Variants in PSMB2 observed in about 807,000 individuals in gnomAD.
PSMB2 encodes proteasome 20S subunit beta 2.
A neutral mutation model predicts 25.7 loss-of-function variants in PSMB2; 13 were observed. That is an observed-to-expected ratio of 0.51 (90% confidence interval 0.33 to 0.80). The LOEUF (loss-of-function observed/expected upper bound fraction) is 0.80. Among genes scored for constraint, PSMB2 ranks in the 30% least tolerant of loss-of-function variants. PSMB2 has a pLI of 0.02. For synonymous variants in PSMB2, 87 were observed against 96.2 expected (o/e 0.90, Z 0.56); for missense variants, 202 against 259.0 (o/e 0.78, Z 1.51).
At position 35,601,978 on chromosome 1, in the gene PSMB2, G is replaced by T; in HGVS notation, c.*1289C>A. ...TCAACAAGAATAAGCATATCTATAT[G>T]TATTGATATAAAACAATCTCTAATA... On this transcript the variant is annotated 3_prime_UTR_variant, in exon 6 of 6. Transcript: ENST00000373237. The T allele has an allele frequency of 1.1e-6, 1 of 870,416 alleles. No homozygotes were observed. Among genetic ancestry groups the T allele is most frequent in the Non-Finnish European group, 1.4e-6 (1 of 725,144 alleles). 53.9% of individuals were successfully genotyped at this position (870,416 alleles called of 1,614,324 possible).
chr1:35,628,648 T>TAAAAA (rs1553125214), intron 3 of PSMB2, among the ~76,000 whole-genome samples: 2 of 34,716 alleles, frequency 5.8e-5, no homozygotes, highest in Non-Finnish European at 8.6e-5. Context: ...TTTTTTTTTT[T>TAAAAA]AAAGAAAAGA....
intron 3 of PSMB2, among the ~76,000 whole-genome samples, chr1:35,629,677 G>A (rs986627093): frequency 4.6e-5 from 7 of 151,972 alleles, no homozygotes; most frequent in Non-Finnish European, 1.0e-4. Context: ...AGATGTGGTG[G>A]TGCACACCTG....
At position 35,600,487 on chromosome 1, in the gene PSMB2, A is replaced by G; in HGVS notation, c.*2780T>C. On this transcript the variant is annotated 3_prime_UTR_variant, in exon 6 of 6. Coordinates refer to ENST00000373237, the MANE Select transcript of PSMB2 (RefSeq NM_002794.5). ...ATCTTTGCAACTTTTCTGTAAAACC[A>G]AATTTATTCCAAAATAAAACATTTA... 4 of 974,936 alleles carry G rather than the reference A, an allele frequency of 4.1e-6. No homozygotes were observed. Among genetic ancestry groups the G allele is most frequent in the Non-Finnish European group, 4.9e-6 (4 of 820,398 alleles). 60.4% of individuals were successfully genotyped at this position (974,936 alleles called of 1,614,324 possible).
In PSMB2 at chr1:35,605,287, AAG is replaced by A. The variant is rs1327635201; in HGVS notation, c.449-7_449-6del. On this transcript the variant is annotated splice_region_variant and splice_polypyrimidine_tract_variant and intron_variant, in intron 4 of 5. Coordinates refer to ENST00000373237, the MANE Select transcript of PSMB2 (RefSeq NM_002794.5). ...CTGCCCTCTCACGTGAGATAGCTGA[AAG>A]AGAACACAGAGACCAAATACTTCCG... The A allele has an allele frequency of 2.5e-6, 4 of 1,612,646 alleles. No homozygotes were observed. In the South Asian group the frequency reaches 4.4e-5, roughly 18 times the overall value.
intron 4 of PSMB2, 95 bp from the exon 5 acceptor site, chr1:35,605,377 G>T: frequency 8.2e-7 from 1 of 1,225,038 alleles, no homozygotes; most frequent in Non-Finnish European, 1.2e-6. Flanking sequence ...GCTTCTTCAG[G>T]TCTCAGTGCC....
At chr1:35,608,679 G>A (rs530080477) in intron 4 of PSMB2, among the ~76,000 whole-genome samples, 4 of 152,192 alleles carry the variant, frequency 2.6e-5, no homozygotes, top group Admixed American at 6.5e-5. Context: ...GACGCTTTAC[G>A]GACAAGTAGA....
At chr1:35,640,028 T>C (rs1335865264) in intron 1 of PSMB2, among the ~76,000 whole-genome samples, 5 of 150,878 alleles carry the variant, frequency 3.3e-5, no homozygotes, top group South Asian at 2.1e-4. Context: ...ACCTATGCAG[T>C]GAGTCCAGAC....
intron 2 of PSMB2, 79 bp from the exon 3 acceptor site, chr1:35,631,423 T>G: frequency 6.3e-7 from 1 of 1,592,816 alleles, no homozygotes. Flanking sequence ...CTACCCCTGT[T>G]CCTAAAGCCC....
At chr1:35,634,378 T>C (rs200057770) in intron 2 of PSMB2, among the ~76,000 whole-genome samples, 2 of 122,232 alleles carry the variant, frequency 1.6e-5, no homozygotes, top group Admixed American at 2.3e-4. Flanking sequence ...ATTCAGATTT[T>C]TTTGTTTCTT....
At position 35,600,958 on chromosome 1, in the gene PSMB2, T is replaced by A. The variant is rs1649974956; in HGVS notation, c.*2309A>T. 1 of 985,052 alleles carries A rather than the reference T, an allele frequency of 1.0e-6. No individual in the cohort carries two copies. 61.0% of individuals were successfully genotyped at this position (985,052 alleles called of 1,614,324 possible). Reference sequence around the variant, plus strand: ...CATATCTACCACATAGAATAGGTGCTATTTCAGTCATTGTACAGATGGGAA... The same window carrying A: ...CATATCTACCACATAGAATAGGTGCAATTTCAGTCATTGTACAGATGGGAA... On this transcript the variant is annotated 3_prime_UTR_variant, in exon 6 of 6. Coordinates refer to ENST00000373237, the MANE Select transcript of PSMB2 (RefSeq NM_002794.5).
chr1:35,603,261 A>G lies in PSMB2; in HGVS notation c.*6T>C. 1 of 1,613,626 alleles carries G rather than the reference A, an allele frequency of 6.2e-7. No individual in the cohort carries two copies. Among genetic ancestry groups the G allele is most frequent in the Non-Finnish European group, 8.5e-7 (1 of 1,179,856 alleles). On this transcript the variant is annotated 3_prime_UTR_variant, in exon 6 of 6. Coordinates refer to ENST00000373237, the MANE Select transcript of PSMB2 (RefSeq NM_002794.5). ...TTCCCTGGCAAGTGGGAGGGAGGAC[A>G]TGATGTTAGGAGCCCTGTTTGGGGA...
chr1:35,619,707 G>A (rs149887917), intron 3 of PSMB2, among the ~76,000 whole-genome samples: 41 of 152,292 alleles, frequency 2.7e-4, no homozygotes, highest in African/African-American at 9.1e-4. Flanking sequence ...AGCTATCAAT[G>A]ACTCCAAGTT....
At chr1:35,620,754 T>C (rs374534839) in intron 3 of PSMB2, among the ~76,000 whole-genome samples, 31 of 151,226 alleles carry the variant, frequency 2.0e-4, no homozygotes, top group African/African-American at 7.5e-4. Context: ...CCCCTCTGCC[T>C]CCTGGGTTCA....
intron 3 of PSMB2, among the ~76,000 whole-genome samples, chr1:35,615,987 G>A (rs370852302): frequency 4.9e-4 from 75 of 152,298 alleles, no homozygotes; most frequent in African/African-American, 1.7e-3. Context: ...TAGTCCAGGG[G>A]ATTGTCAAAA....
At chr1:35,627,053 T>C (rs1003188867) in intron 3 of PSMB2, among the ~76,000 whole-genome samples, 7 of 152,050 alleles carry the variant, frequency 4.6e-5, no homozygotes, top group Non-Finnish European at 1.0e-4. Flanking sequence ...CTGGACTGTG[T>C]AGATCTAGAA....
At chr1:35,628,590 AAAAAAAATATATATATATATATATATAT>A (rs1479762528) in intron 3 of PSMB2, among the ~76,000 whole-genome samples, 1 of 16,574 alleles carries the variant, frequency 6.0e-5, no homozygotes, top group Non-Finnish European at 1.0e-4. Flanking sequence ...AAAAAAAAAA[AAAAAAAATATATATATATATATATATAT>A]ATATATATAT....
chr1:35,609,497 G>GA, intron 3 of PSMB2, 89 bp from the exon 4 acceptor site: 1 of 1,205,672 alleles, frequency 8.3e-7, no homozygotes, highest in Non-Finnish European at 1.1e-6. Context: ...GACTCTTCAT[G>GA]AGAAAGAAAA....
rs971149532 is a variant in PSMB2, at chr1:35,601,032, T to C, written c.*2235A>G. ...GCTTTAGTAGCAGCACTCCACTGGG[T>C]AGGGCGTCAGAATCATCTGTGGCGC... is the stretch of plus-strand genomic sequence containing the variant. On this transcript the variant is annotated 3_prime_UTR_variant, in exon 6 of 6. Transcript: ENST00000373237. 3.9e-5 allele frequency: 37 copies of C among 955,294 alleles called. 1 individual carries two copies. The African/African-American group carries it at 5.4e-4, about 14-fold the overall frequency. 59.2% of individuals were successfully genotyped at this position (955,294 alleles called of 1,614,324 possible). A position where few individuals can be genotyped will look rare whatever the true frequency, so the allele number is the denominator to read the frequency against.
At chr1:35,620,379 T>G (rs1650644277) in intron 3 of PSMB2, among the ~76,000 whole-genome samples, 1 of 152,138 alleles carries the variant, frequency 6.6e-6, no homozygotes. Flanking sequence ...GTCTCCCCGC[T>G]TCCTTCATTC....
Sources: gnomAD v4.1 joint callset for allele counts (sites outside exome capture counted in the v4.1 genomes callset) on GRCh38, gnomAD v4.1.1 for gene constraint, MANE v1.5 for transcripts, NCBI Gene and HGNC (gene_info 2026-07-23, HGNC 2026-07-21) for gene names.